FAT4: variants seen among roughly 807,000 people sequenced by gnomAD.
The protein encoded by FAT4 is FAT atypical cadherin 4, also known as protocadherin Fat 4.
In FAT4, 84 loss-of-function variants were observed where a neutral mutation model predicts 303.9. The observed-to-expected ratio is 0.28, with a 90% CI of 0.23 to 0.33. FAT4 has a LOEUF of 0.33. Ranked by LOEUF, FAT4 falls within the 10% of genes least tolerant of loss-of-function variation. The pLI is 1.00. For missense variants in FAT4, 6,005 were observed against 6,146.8 expected (o/e 0.98, Z 0.77); for synonymous variants, 2,307 against 2,298.8 (o/e 1.00, Z -0.10).
At chr4:125,435,709 G>A (rs1166426634) in intron 8 of FAT4, among the ~76,000 whole-genome samples, 1 of 152,232 alleles carries the variant, frequency 6.6e-6, no homozygotes, top group Non-Finnish European at 1.5e-5. Context: ...AGTCAGAGAG[G>A]TAGGCAGGGG....
At chr4:125,442,736 C>T (rs1439762319) in intron 8 of FAT4, among the ~76,000 whole-genome samples, 1 of 152,118 alleles carries the variant, frequency 6.6e-6, no homozygotes, top group Non-Finnish European at 1.5e-5. Flanking sequence ...GAAATCCAAA[C>T]ACCCCTGGTT....
At chr4:125,397,107 C>G (rs1167296850) in intron 2 of FAT4, among the ~76,000 whole-genome samples, 1 of 151,936 alleles carries the variant, frequency 6.6e-6, no homozygotes, top group Admixed American at 6.6e-5. Context: ...TTCTCTGGCT[C>G]TAAGAAGCTT....
At chr4:125,326,561 A>G (rs1731164770) in intron 2 of FAT4, among the ~76,000 whole-genome samples, 1 of 152,180 alleles carries the variant, frequency 6.6e-6, no homozygotes, top group African/African-American at 2.4e-5. Context: ...TTAAGTTCAT[A>G]TAGATAGAAA....
At chr4:125,399,065 TA>T (rs1734287669) in intron 3 of FAT4, 150 bp downstream of exon 3, 1 of 676,952 alleles carries the variant, frequency 1.5e-6, no homozygotes, top group Admixed American at 3.1e-5. Flanking sequence ...AAATGTAACA[TA>T]AAAATGTTAA....
At chr4:125,339,853 A>G (rs1240195113) in intron 2 of FAT4, among the ~76,000 whole-genome samples, 2 of 152,170 alleles carry the variant, frequency 1.3e-5, no homozygotes, top group African/African-American at 4.8e-5. Flanking sequence ...TGATAAAGAT[A>G]TCGGTTTGGA....
intron 2 of FAT4, among the ~76,000 whole-genome samples, chr4:125,392,089 A>T (rs1057239767): frequency 1.3e-5 from 2 of 152,194 alleles, no homozygotes; most frequent in African/African-American, 4.8e-5. Flanking sequence ...GCAATTACCT[A>T]TGTTGGTAAT....
chr4:125,387,939 A>T (rs780410488), intron 2 of FAT4, among the ~76,000 whole-genome samples: 7 of 152,136 alleles, frequency 4.6e-5, no homozygotes, highest in Non-Finnish European at 8.8e-5. Flanking sequence ...GCCTACAAAA[A>T]TTCACTTTTA....
chr4:125,461,666 G>A (rs535510783), intron 10 of FAT4, among the ~76,000 whole-genome samples: 1 of 151,980 alleles, frequency 6.6e-6, no homozygotes, highest in South Asian at 2.1e-4. Context: ...ACTGTACCTA[G>A]TCAAAAAGCA....
chr4:125,438,214 C>T (rs988572830), intron 8 of FAT4, among the ~76,000 whole-genome samples: 1 of 152,160 alleles, frequency 6.6e-6, no homozygotes, highest in African/African-American at 2.4e-5. Context: ...TGAATGTTTA[C>T]AAACTTGATC....
intron 11 of FAT4, among the ~76,000 whole-genome samples, chr4:125,465,828 A>T (rs1726642088): frequency 6.6e-6 from 1 of 152,220 alleles, no homozygotes; most frequent in Non-Finnish European, 1.5e-5. Flanking sequence ...TTGACAACAT[A>T]AGCACTTACA....
Position 125,452,841 on chromosome 4 carries a change from G to T in FAT4, c.11800+31G>T, listed in dbSNP as rs772203603. 4 of 1,551,568 alleles carry T rather than the reference G, an allele frequency of 2.6e-6. No homozygotes were observed. In the African/African-American group the frequency reaches 5.5e-5, roughly 21 times the overall value. The stretch of plus-strand genomic sequence containing the variant: ...ACAACGTTTGTACTTTTCTCACTAA[G>T]ACTTTAGCCATGTCAAGTATATTGA... On this transcript the variant is annotated intron_variant, in intron 10 of 17. Transcript: ENST00000394329.
chr4:125,415,544 T>C lies in FAT4; in HGVS notation c.6581T>C (p.Val2194Ala), dbSNP rs1395879055. 1 of 1,614,106 alleles carries C rather than the reference T, an allele frequency of 6.2e-7. No homozygotes were observed. The highest frequency in any genetic ancestry group is 2.2e-5 in the East Asian group (1 of 44,858). Residue 2194 changes from valine (V) to alanine (A), a missense_variant, in exon 6 of 18, where the codon GTT becomes GCT. Coordinates refer to ENST00000394329, the MANE Select transcript of FAT4 (RefSeq NM_001291303.3). The stretch of plus-strand genomic sequence containing the variant: ...AATGGACAGGTTCGCTATGGCATTG[T>C]TAATGGTAATACCAATCAGGAATTT... ...GTNGQVRYGI[V>A]NGNTNQEFRI... is the part of the protein sequence containing the mutation.
chr4:125,334,383 C>T (rs1407290852), intron 2 of FAT4, among the ~76,000 whole-genome samples: 3 of 152,048 alleles, frequency 2.0e-5, no homozygotes, highest in Admixed American at 1.3e-4. Flanking sequence ...TCCCTAAATC[C>T]CATTTGCAAA....
At chr4:125,366,681 T>C (rs1452650669) in intron 2 of FAT4, among the ~76,000 whole-genome samples, 1 of 152,220 alleles carries the variant, frequency 6.6e-6, no homozygotes, top group Non-Finnish European at 1.5e-5. Context: ...CCACACTGTC[T>C]TTCACAATGG....
At chr4:125,447,926 A>T (rs1397802625) in intron 9 of FAT4, among the ~76,000 whole-genome samples, 1 of 152,056 alleles carries the variant, frequency 6.6e-6, no homozygotes, top group Non-Finnish European at 1.5e-5. Flanking sequence ...TCCATCTGAT[A>T]ATAGTTCACG....
chr4:125,336,550 A>G (rs916229862), intron 2 of FAT4, among the ~76,000 whole-genome samples: 2 of 152,034 alleles, frequency 1.3e-5, no homozygotes, highest in Non-Finnish European at 2.9e-5. Flanking sequence ...GTTTGGCTCT[A>G]AAAGACCTTT....
In FAT4 at chr4:125,452,405, A is replaced by C; in HGVS notation, c.11395A>C (p.Lys3799Gln). 6.2e-7 allele frequency: 1 copy of C among 1,614,146 alleles called. No homozygotes were observed. The highest frequency in any genetic ancestry group is 8.5e-7 in the Non-Finnish European group (1 of 1,180,028). The change falls in exon 10 of 18, where the codon AAG (lysine) becomes CAG (glutamine). Residue 3799 changes from lysine (K) to glutamine (Q), a missense_variant. Transcript: ENST00000394329. ...GATCCTTCTCCGGCAGAGTGGAGTAAAGGTGGAATCTGTGGATCATGACTC... is the reference window on the plus strand; with the variant it reads ...GATCCTTCTCCGGCAGAGTGGAGTACAGGTGGAATCTGTGGATCATGACTC... ...KEILLRQSGV[K>Q]VESVDHDSCV...
At chr4:125,358,073 T>C (rs2094513799) in intron 2 of FAT4, among the ~76,000 whole-genome samples, 1 of 152,020 alleles carries the variant, frequency 6.6e-6, no homozygotes, top group Non-Finnish European at 1.5e-5. Context: ...AGTGTGATTA[T>C]AAGTGAGTAT....
At chr4:125,417,490 T>C (rs1487700220) in intron 7 of FAT4, among the ~76,000 whole-genome samples, 9 of 152,104 alleles carry the variant, frequency 5.9e-5, no homozygotes, top group Non-Finnish European at 2.9e-5. Flanking sequence ...ATTATTAGTA[T>C]AAGTATAAAT....
Sources: gnomAD v4.1 joint callset for allele counts (sites outside exome capture counted in the v4.1 genomes callset) on GRCh38, gnomAD v4.1.1 for gene constraint, MANE v1.5 for transcripts, NCBI Gene and HGNC (gene_info 2026-07-23, HGNC 2026-07-21) for gene names.